The following TNRC6A variants were observed in gnomAD, a reference collection of about 807,000 sequenced individuals.
TNRC6A encodes trinucleotide repeat containing adaptor 6A, also known as trinucleotide repeat-containing gene 6A protein.
In TNRC6A, 44 loss-of-function variants were observed where a neutral mutation model predicts 221.2. That is an observed-to-expected ratio of 0.20 (90% CI 0.16 to 0.26). The LOEUF (loss-of-function observed/expected upper bound fraction) is 0.26, where lower values mean the gene tolerates loss of function less well. Among genes scored for constraint, TNRC6A ranks in the 10% least tolerant of loss-of-function variants. The pLI, the probability that TNRC6A is intolerant of heterozygous loss-of-function variation, is 1.00. For missense variants in TNRC6A, 2,199 were observed against 2,404.4 expected (o/e 0.91, Z 1.79); for synonymous variants, 847 against 838.5 (o/e 1.01, Z -0.18).
intron 2 of TNRC6A, among the ~76,000 whole-genome samples, chr16:24,683,803 C>T (rs931721641): frequency 2.6e-5 from 4 of 152,168 alleles, no homozygotes; most frequent in Admixed American, 1.3e-4. Context: ...GAGTGCCCTG[C>T]ACCTAGTGAG....
chr16:24,671,066 GCAGCTGCCGCACCGA>G (rs2055290040), intron 2 of TNRC6A: 1 of 327,680 alleles, frequency 3.1e-6, no homozygotes, highest in Admixed American at 3.2e-5. Context: ...CAGCACTGCA[GCAGCTGCCGCACCGA>G]CAGCCTCCGC....
chr16:24,799,168 C>T (rs183651315), intron 11 of TNRC6A, among the ~76,000 whole-genome samples: 18 of 152,336 alleles, frequency 1.2e-4, no homozygotes, highest in Admixed American at 7.2e-4. Flanking sequence ...AGAAACCAAA[C>T]CTCTCCTCTT....
rs780644417 is a variant in TNRC6A, at chr16:24,798,010, C to T, written c.3694+44C>T. On this transcript the variant is annotated intron_variant, in intron 11 of 24. Coordinates refer to ENST00000395799, the MANE Select transcript of TNRC6A (RefSeq NM_014494.4). ...TGTTTATATTCCTCATTGAGGGACA[C>T]GCACATCCATGACATGATTCTACTG... The T allele has an allele frequency of 5.9e-6, 9 of 1,529,670 alleles. No homozygotes were observed. In the East Asian group the frequency reaches 6.8e-5, roughly 12 times the overall value. The allele number at this position is 1,529,670 out of a possible 1,614,324, so 94.8% of individuals were successfully genotyped here.
At chr16:24,702,106 T>A (rs763672188) in intron 2 of TNRC6A, among the ~76,000 whole-genome samples, 1 of 36,956 alleles carries the variant, frequency 2.7e-5, no homozygotes. Context: ...TTTTCTTTTT[T>A]CTTTTTTTTT....
intron 10 of TNRC6A, 76 bp downstream of exon 10, chr16:24,797,646 G>T: frequency 7.8e-7 from 1 of 1,274,812 alleles, no homozygotes; most frequent in Non-Finnish European, 1.1e-6. Context: ...CTCTTTTTAA[G>T]AATTATTTTT....
chr16:24,654,753 AC>A (rs1902871056), intron 2 of TNRC6A, among the ~76,000 whole-genome samples: 2 of 152,098 alleles, frequency 1.3e-5, no homozygotes, highest in Non-Finnish European at 2.9e-5. Context: ...AAATAAAAAA[AC>A]ACACAACAAC....
rs1318853687 is a variant in TNRC6A at position 24,631,114 on chromosome 16, C to T, written n.277-9770C>T. The stretch of plus-strand genomic sequence containing the variant: ...GAATTCTAAATTTGAAACTTGCCTT[C>T]CAAACACATATGGTGAATATGCATT... On this transcript the variant is annotated intron_variant and non_coding_transcript_variant, in intron 1 of 2. Coordinates refer to the TNRC6A transcript ENST00000566108. Among the ~76,000 whole-genome samples, 3 of 152,144 alleles carry T rather than the reference C, an allele frequency of 2.0e-5. No homozygotes were observed. In the East Asian group the frequency reaches 5.8e-4, roughly 29 times the overall value.
intron 15 of TNRC6A, 100 bp from the exon 16 acceptor site, chr16:24,806,106 A>T: frequency 3.8e-6 from 5 of 1,327,538 alleles, no homozygotes; most frequent in Non-Finnish European, 5.2e-6. Flanking sequence ...CATTGGCTAG[A>T]TCACGTCGTG....
upstream of TNRC6A, among the ~76,000 whole-genome samples, chr16:24,729,239 T>C (rs575829506): frequency 6.6e-6 from 1 of 151,122 alleles, no homozygotes; most frequent in African/African-American, 2.4e-5. Flanking sequence ...TAGAAGTGGC[T>C]GAATTCAAAA....
intron 5 of TNRC6A, among the ~76,000 whole-genome samples, chr16:24,787,850 G>A (rs958650460): frequency 6.6e-6 from 1 of 152,144 alleles, no homozygotes; most frequent in Admixed American, 6.5e-5. Context: ...CACCTTAATA[G>A]TGACTTCTTT....
In TNRC6A at chr16:24,793,648, TG is replaced by T; in HGVS notation, c.3352+1del. 6.8e-7 allele frequency: 1 copy of T among 1,468,194 alleles called. No individual in the cohort carries two copies. Among genetic ancestry groups the T allele is most frequent in the South Asian group, 1.6e-5 (1 of 62,740 alleles). 90.9% of individuals were successfully genotyped at this position (1,468,194 alleles called of 1,614,324 possible). A position where few individuals can be genotyped will look rare whatever the true frequency, so the allele number is the denominator to read the frequency against. ...TTGGTCCACAAGCATTAAGCAAATCTGGTAAGTTATTGACAATGCCTGGTAG... is the reference window on the plus strand; with the variant it reads ...TTGGTCCACAAGCATTAAGCAAATCTGTAAGTTATTGACAATGCCTGGTAG... ...SVGPQALSKSGPKSMQDGWCG... is the reference protein window; with the variant it reads ...SVGPQALSKSXPKSMQDGWCG... On this transcript the variant is annotated frameshift_variant and splice_region_variant, in exon 7 of 25. Coordinates refer to ENST00000395799, the MANE Select transcript of TNRC6A (RefSeq NM_014494.4). LOFTEE classifies it high-confidence loss of function.
At chr16:24,656,040 G>A (rs2054903770) in intron 2 of TNRC6A, among the ~76,000 whole-genome samples, 5 of 151,728 alleles carry the variant, frequency 3.3e-5, no homozygotes. Flanking sequence ...CTACTCAGGA[G>A]GCTGAGGCAG....
At chr16:24,630,362 C>A (rs923042999) in intron 1 of TNRC6A, among the ~76,000 whole-genome samples, 1 of 152,054 alleles carries the variant, frequency 6.6e-6, no homozygotes, top group Non-Finnish European at 1.5e-5. Flanking sequence ...GAAGTGCTAT[C>A]TTTAAAAACA....
chr16:24,799,889 G>C (rs1337021096), intron 11 of TNRC6A, among the ~76,000 whole-genome samples: 1 of 152,110 alleles, frequency 6.6e-6, no homozygotes, highest in African/African-American at 2.4e-5. Flanking sequence ...TTTTTCATTG[G>C]CCTTCACTAC....
chr16:24,800,305 A>G (rs889587611), intron 11 of TNRC6A, among the ~76,000 whole-genome samples: 2 of 152,234 alleles, frequency 1.3e-5, no homozygotes, highest in Admixed American at 6.5e-5. Flanking sequence ...CTCCTACGAC[A>G]GATGCCCACC....
intron 4 of TNRC6A, among the ~76,000 whole-genome samples, chr16:24,775,552 A>G (rs2057701273): frequency 1.3e-5 from 2 of 152,362 alleles, no homozygotes; most frequent in African/African-American, 2.4e-5. Context: ...GTTGGTGGCT[A>G]TTGTAAACTC....
intron 2 of TNRC6A, among the ~76,000 whole-genome samples, chr16:24,653,952 C>T (rs147840604): frequency 2.8e-4 from 43 of 152,142 alleles, no homozygotes; most frequent in African/African-American, 1.0e-3. Context: ...TGGCCCAGGC[C>T]GGGGTGCAGT....
rs1191933287 is a variant in TNRC6A, at chr16:24,791,395, C to A, written c.2753C>A (p.Pro918His). 29 of 1,569,942 alleles carry A rather than the reference C, an allele frequency of 1.8e-5. No homozygotes were observed. The highest frequency in any genetic ancestry group is 2.0e-5 in the Non-Finnish European group (23 of 1,159,304). Residue 918 changes from proline to histidine, a missense_variant, in exon 6 of 25, where the codon CCT (proline) becomes CAT (histidine). Around this residue, in one of 8 missense-constraint regions of TNRC6A, gnomAD observed 1,405 missense variants for 1,400.2 expected, o/e 1.00. Transcript: ENST00000395799. ...SGWDESSKPT[P>H]SQGWGDPPKS... is the part of the protein sequence containing the mutation. Reference sequence around the variant, plus strand: ...TGGGATGAATCTTCTAAACCTACTCCTTCCCAGGGATGGGGAGACCCTCCA... The same window carrying A: ...TGGGATGAATCTTCTAAACCTACTCATTCCCAGGGATGGGGAGACCCTCCA...
intron 18 of TNRC6A, among the ~76,000 whole-genome samples, chr16:24,810,971 G>A (rs556539378): frequency 2.6e-5 from 4 of 151,386 alleles, no homozygotes; most frequent in Admixed American, 6.6e-5. Flanking sequence ...CAGCTAGTCA[G>A]TCTCCAGCCC....
Sources: allele counts gnomAD v4.1 joint callset (sites outside exome capture counted in the v4.1 genomes callset), GRCh38; gene constraint gnomAD v4.1.1; regional missense constraint gnomAD v4.1.1; transcripts MANE v1.5; gene names NCBI Gene and HGNC (gene_info 2026-07-23, HGNC 2026-07-21).